The following CLCN6 variants were observed in gnomAD, a reference collection of about 807,000 sequenced individuals.
CLCN6 encodes the protein Cl-/H+ antiporter 6, also known as H(+)/Cl(-) exchange transporter 6.
A neutral mutation model predicts 109.8 loss-of-function variants in CLCN6; 70 were observed. The ratio of observed to expected loss-of-function variants is 0.64; its 90% CI spans 0.53 to 0.78. The LOEUF is 0.78. CLCN6 is among the 30% of genes least tolerant of loss of function. The probability of loss-of-function intolerance (pLI) is 0.00; values close to 1 mark genes in which losing one functional copy is unlikely to be tolerated. For synonymous variants in CLCN6, 444 were observed against 447.8 expected, an observed-to-expected ratio of 0.99 and a Z score of 0.11; for missense variants, 984 against 1,142.3, an observed-to-expected ratio of 0.86 and a Z score of 2.00.
Position 11,833,581 on chromosome 1 carries a change from G to C in CLCN6, c.1315G>C (p.Ala439Pro), listed in dbSNP as rs762089073. 1 of 1,614,000 alleles carries C rather than the reference G, an allele frequency of 6.2e-7. No individual in the cohort carries two copies. The highest frequency in any genetic ancestry group is 8.5e-7 in the Non-Finnish European group (1 of 1,179,992). ...FCPNDTYNDM[A>P]TLFFNPQESA... is the part of the protein sequence containing the mutation. ...TCCCAATGATACCTACAATGACATG[G>C]CCACACTCTTCTTCAACCCGCAGGA... The change falls in exon 14 of 23, where the codon GCC (alanine) becomes CCC (proline). Residue 439 changes from alanine to proline, a missense_variant. Transcript: ENST00000346436.
At chr1:11,811,557 T>C (rs1390104652) in intron 2 of CLCN6, among the ~76,000 whole-genome samples, 1 of 152,136 alleles carries the variant, frequency 6.6e-6, no homozygotes, top group African/African-American at 2.4e-5. Context: ...TAATTTTGTA[T>C]TTTTAGTAGA....
chr1:11,841,186 C>G lies in CLCN6; in HGVS notation c.*963C>G, dbSNP rs1182826491. The stretch of plus-strand genomic sequence containing the variant: ...TTTCCAAAGTAGAAAGGAAGCACTT[C>G]TGAGCCAGTGACCACTGAAAGGTAT... On this transcript the variant is annotated 3_prime_UTR_variant, in exon 23 of 23. Coordinates refer to ENST00000346436, the MANE Select transcript of CLCN6 (RefSeq NM_001286.5). 2 of 152,634 alleles carry G rather than the reference C, an allele frequency of 1.3e-5. No homozygotes were observed. The highest frequency in any genetic ancestry group is 1.5e-5 in the Non-Finnish European group (1 of 68,042). 9.5% of individuals were successfully genotyped at this position (152,634 alleles called of 1,614,324 possible). A position where few individuals can be genotyped will look rare whatever the true frequency, so the allele number is the denominator to read the frequency against.
intron 13 of CLCN6, among the ~76,000 whole-genome samples, chr1:11,830,617 T>G (rs35983202): frequency 0.13 from 19,284 of 151,456 alleles, 1,572 homozygotes; most frequent in Middle Eastern, 0.22. Context: ...TGGTGAATAC[T>G]GAGGAACAAC....
intron 2 of CLCN6, 127 bp downstream of exon 2, chr1:11,807,317 G>A: frequency 1.3e-6 from 1 of 767,732 alleles, no homozygotes; most frequent in South Asian, 1.6e-5. Flanking sequence ...GTGGGTAAGA[G>A]AACTTCCTTC....
chr1:11,814,652 TG>T (rs1232710740), intron 2 of CLCN6, among the ~76,000 whole-genome samples: 2 of 152,318 alleles, frequency 1.3e-5, no homozygotes, highest in African/African-American at 4.8e-5. Flanking sequence ...TTCTGTGTTT[TG>T]TGATGCATGT....
At chr1:11,836,942 CAGTACTGCTGTGT>C in intron 18 of CLCN6, 44 bp from the exon 19 acceptor site, 1 of 1,586,130 alleles carries the variant, frequency 6.3e-7, no homozygotes. Flanking sequence ...TAAGCTCCAT[CAGTACTGCTGTGT>C]TCGTTTGCCC....
chr1:11,809,044 T>C (rs6691440), intron 2 of CLCN6, among the ~76,000 whole-genome samples: 15,004 of 151,904 alleles, frequency 0.099, 789 homozygotes, highest in South Asian at 0.16. Flanking sequence ...GTATTTTTAG[T>C]AGAGATAGGG....
At position 11,837,119 on chromosome 1, in the gene CLCN6, G is replaced by A. The variant is rs1043918186; in HGVS notation, c.2101G>A (p.Glu701Lys). ...GCACATCGCCTCTGAGGAGCCAGCC[G>A]AGAAGGAGGACCTCCTGCAGCAGAT... ...DEHIASEEPA[E>K]KEDLLQQMLE... Residue 701 changes from glutamate (E) to lysine (K), a missense_variant, in exon 19 of 23, where the codon GAG (glutamate) becomes AAG (lysine). By Grantham distance (56) the Glu-to-Lys change is moderately conservative. Coordinates refer to ENST00000346436, the MANE Select transcript of CLCN6 (RefSeq NM_001286.5). 2.2e-5 allele frequency: 36 copies of A among 1,613,078 alleles called. No individual in the cohort carries two copies. Among genetic ancestry groups the A allele is most frequent in the Admixed American group, 5.0e-5 (3 of 59,998 alleles).
intron 5 of CLCN6, among the ~76,000 whole-genome samples, chr1:11,821,355 C>T (rs1263780522): frequency 1.3e-5 from 2 of 152,132 alleles, no homozygotes. Context: ...GTCAGGAGTT[C>T]AAGACCAGCC....
At chr1:11,808,219 GTGTGTGTT>G (rs1340227438) in intron 2 of CLCN6, among the ~76,000 whole-genome samples, 41 of 121,582 alleles carry the variant, frequency 3.4e-4, no homozygotes, top group Admixed American at 2.6e-3. Flanking sequence ...TTGTATGTGT[GTGTGTGTT>G]TGTGTGTGTG....
In CLCN6 at chr1:11,829,227, A is replaced by G; in HGVS notation, c.1153A>G (p.Thr385Ala). Reference protein sequence around the residue: ...VLESLLVSLVTTVVVFVASMV... With the variant: ...VLESLLVSLVATVVVFVASMV... ...AGAGAGCCTCCTTGTGTCTCTGGTA[A>G]CCACCGTGGTGGTGTTTGTGGCCTC... Residue 385 changes from threonine to alanine, a missense_variant, in exon 13 of 23, where the codon ACC (threonine) becomes GCC (alanine). Physicochemically the swap from Thr to Ala is moderately conservative, Grantham distance 58 (BLOSUM62 0). Coordinates refer to ENST00000346436, the MANE Select transcript of CLCN6 (RefSeq NM_001286.5). 6.2e-7 allele frequency: 1 copy of G among 1,614,026 alleles called. No individual in the cohort carries two copies. Among genetic ancestry groups the G allele is most frequent in the East Asian group, 2.2e-5 (1 of 44,866 alleles).
chr1:11,807,913 T>C (rs1056604143), intron 2 of CLCN6, among the ~76,000 whole-genome samples: 7 of 152,210 alleles, frequency 4.6e-5, no homozygotes, highest in African/African-American at 1.2e-4. Flanking sequence ...ACTCACCCCC[T>C]TTATTATACT....
In CLCN6 at chr1:11,811,611, G is replaced by T. The variant is rs566657211; in HGVS notation, c.148-4235G>T. On this transcript the variant is annotated intron_variant, in intron 2 of 22. Transcript: ENST00000346436. ...TGGTCAGGCTGGTCTTGAACTCCTG[G>T]CCTCGGGTGATCCGCCCGCCTTGGC... 3.3e-5 allele frequency among the ~76,000 whole-genome samples: 5 copies of T among 152,210 alleles called. No homozygotes were observed. The South Asian group carries it at 1.0e-3, about 32-fold the overall frequency.
chr1:11,832,209 T>G (rs1450578152), intron 13 of CLCN6, among the ~76,000 whole-genome samples: 1 of 152,206 alleles, frequency 6.6e-6, no homozygotes, highest in African/African-American at 2.4e-5. Context: ...AGGGTAGGTG[T>G]TGTTACCATT....
At chr1:11,835,878 T>G in intron 17 of CLCN6, 89 bp from the exon 18 acceptor site, 7 of 1,199,686 alleles carry the variant, frequency 5.8e-6, no homozygotes, top group Middle Eastern at 2.7e-4. Flanking sequence ...CCGCCCGTGG[T>G]CTGAGCAGGG....
At chr1:11,815,757 C>T in intron 2 of CLCN6, 89 bp from the exon 3 acceptor site, 1 of 960,684 alleles carries the variant, frequency 1.0e-6, no homozygotes, top group South Asian at 1.4e-5. Flanking sequence ...TGCCCATCCA[C>T]ACGTTGAGTA....
intron 22 of CLCN6, 165 bp downstream of exon 22, chr1:11,838,825 C>A: frequency 2.0e-6 from 2 of 999,962 alleles, no homozygotes; most frequent in Non-Finnish European, 3.2e-6. Context: ...GCACTCGGGA[C>A]CCTTTCCCCT....
At chr1:11,806,384 C>G in intron 1 of CLCN6, 35 bp downstream of exon 1, 1 of 1,466,474 alleles carries the variant, frequency 6.8e-7, no homozygotes, top group South Asian at 1.4e-5. Context: ...GGGGAGGGGG[C>G]GGTTGCTAAG....
intron 5 of CLCN6, chr1:11,820,435 A>T: frequency 1.4e-6 from 1 of 711,888 alleles, no homozygotes. Flanking sequence ...AGTGGGGAAT[A>T]ATTTCTTAAA....
Sources: gnomAD v4.1 joint callset for allele counts (sites outside exome capture counted in the v4.1 genomes callset) on GRCh38, gnomAD v4.1.1 for gene constraint, MANE v1.5 for transcripts, NCBI Gene and HGNC (gene_info 2026-07-23, HGNC 2026-07-21) for gene names.